The following AR variants were observed in gnomAD, a reference collection of about 807,000 sequenced individuals.
The protein encoded by AR is androgen receptor.
In AR, 8 loss-of-function variants were observed where a neutral mutation model predicts 53.9. That is an observed-to-expected ratio of 0.15 (90% CI 0.09 to 0.27). AR has a LOEUF of 0.27. AR is among the 10% of genes least tolerant of loss of function. The pLI is 1.00. For missense variants in AR, 639 were observed against 742.5 expected (o/e 0.86, Z 1.62); for synonymous variants, 359 against 316.4 (o/e 1.13, Z -1.43).
chrX:67,638,917 A>G (rs963825877), intron 1 of AR, among the ~76,000 whole-genome samples: 1 of 111,721 alleles, frequency 9.0e-6, no homozygotes, highest in South Asian at 3.8e-4. Flanking sequence ...TATGTCCTGA[A>G]TGGTATTGCC....
intron 1 of AR, among the ~76,000 whole-genome samples, chrX:67,603,706 T>C (rs773808250): frequency 3.6e-5 from 4 of 111,816 alleles, no homozygotes; most frequent in Non-Finnish European, 7.5e-5. Context: ...ACATTTGTTT[T>C]TGAACAAAGG....
intron 3 of AR, among the ~76,000 whole-genome samples, chrX:67,700,858 C>T (rs756248058): frequency 8.5e-4 from 95 of 112,086 alleles, no homozygotes; most frequent in African/African-American, 2.8e-3. Flanking sequence ...AAAGTCGAGG[C>T]GACAGATTAT....
At chrX:67,594,317 T>C (rs1221883593) in intron 1 of AR, among the ~76,000 whole-genome samples, 1 of 112,211 alleles carries the variant, frequency 8.9e-6, no homozygotes, top group Non-Finnish European at 1.9e-5. Context: ...TGTCAAGCTT[T>C]GGAAAGAAAA....
chrX:67,709,112 G>T (rs1008538763), intron 3 of AR, among the ~76,000 whole-genome samples: 1 of 112,020 alleles, frequency 8.9e-6, no homozygotes, highest in Non-Finnish European at 1.9e-5. Context: ...GAGGCAGTCT[G>T]TCCGTTCTCA....
intron 1 of AR, among the ~76,000 whole-genome samples, chrX:67,563,806 C>A (rs762939159): frequency 8.9e-6 from 1 of 112,214 alleles, no homozygotes; most frequent in African/African-American, 3.2e-5. Flanking sequence ...GAAGATTCCT[C>A]TTCTTGGCCA....
At chrX:67,562,370 G>C (rs1234818564) in intron 1 of AR, among the ~76,000 whole-genome samples, 1 of 108,851 alleles carries the variant, frequency 9.2e-6, no homozygotes, top group Non-Finnish European at 1.9e-5. Flanking sequence ...GTGTGTGTGT[G>C]TGTGTGTGTG....
At chrX:67,645,900 G>T (rs1461363873) in intron 2 of AR, among the ~76,000 whole-genome samples, 1 of 111,808 alleles carries the variant, frequency 8.9e-6, no homozygotes, top group Non-Finnish European at 1.9e-5. Flanking sequence ...TATTGATTTG[G>T]TTTTCTTTTT....
At chrX:67,567,886 C>T (rs1429295791) in intron 1 of AR, among the ~76,000 whole-genome samples, 1 of 111,914 alleles carries the variant, frequency 8.9e-6, no homozygotes, top group Non-Finnish European at 1.9e-5. Flanking sequence ...ATAAAATCTT[C>T]TCCTGTTTTT....
intron 4 of AR, among the ~76,000 whole-genome samples, chrX:67,714,039 G>A (rs183951860): frequency 1.8e-5 from 2 of 112,075 alleles, no homozygotes; most frequent in African/African-American, 6.5e-5. Context: ...GATAAATTTT[G>A]TTTTAAGTTT....
intron 1 of AR, among the ~76,000 whole-genome samples, chrX:67,625,999 A>C (rs1009244951): frequency 8.1e-5 from 9 of 111,612 alleles, no homozygotes; most frequent in Non-Finnish European, 1.3e-4. Flanking sequence ...TGATACAGGC[A>C]TACAATGTTC....
chrX:67,556,460 GGGT>G (rs1378044234), intron 1 of AR, among the ~76,000 whole-genome samples: 1 of 111,751 alleles, frequency 8.9e-6, no homozygotes, highest in Non-Finnish European at 1.9e-5. Flanking sequence ...TGAGAGTTCT[GGGT>G]GCCAATAACC....
chrX:67,560,311 A>T (rs1028518341), intron 1 of AR, among the ~76,000 whole-genome samples: 2 of 111,168 alleles, frequency 1.8e-5, no homozygotes, highest in African/African-American at 6.6e-5. Context: ...GATTCTTAAC[A>T]CCTCTTTCCA....
At position 67,544,043 on chromosome X, in the gene AR, G is replaced by A. The variant is rs1482719894; in HGVS notation, c.-1104G>A. The A allele has an allele frequency of 1.8e-5, 3 of 169,231 alleles. No homozygotes were observed. In the East Asian group the frequency reaches 2.5e-4, roughly 14 times the overall value. The allele number at this position is 169,231 out of a possible 1,213,427, so 13.9% of individuals were successfully genotyped here. On this transcript the variant is annotated 5_prime_UTR_variant, in exon 1 of 8. Transcript: ENST00000374690. ...CCCAGCGCCCCCTCCGAGATCCCGG[G>A]GAGCCAGCTTGCTGGGAGAGCGGGA...
In AR at chrX:67,726,676, G is replaced by T. The variant is rs987856950; in HGVS notation, c.*2835G>T. ...TTAGGCCTACTCTTTCTGTGCTTGG[G>T]TTTGAGTGAACAAAGGAGATTTTAG... On this transcript the variant is annotated 3_prime_UTR_variant, in exon 8 of 8. Transcript: ENST00000374690. 5 of 174,661 alleles carry T rather than the reference G, an allele frequency of 2.9e-5. No individual in the cohort carries two copies. The highest frequency in any genetic ancestry group is 5.5e-5 in the Non-Finnish European group (5 of 91,638). 14.4% of individuals were successfully genotyped at this position (174,661 alleles called of 1,213,427 possible). A position where few individuals can be genotyped will look rare whatever the true frequency, so the allele number is the denominator to read the frequency against.
At chrX:67,547,032 G>GT (rs922459530) in intron 1 of AR, among the ~76,000 whole-genome samples, 2 of 110,356 alleles carry the variant, frequency 1.8e-5, no homozygotes, top group African/African-American at 6.6e-5. Context: ...CTACCTCCTG[G>GT]TACTCGAGGT....
At chrX:67,575,980 A>T (rs1922027180) in intron 1 of AR, among the ~76,000 whole-genome samples, 2 of 111,956 alleles carry the variant, frequency 1.8e-5, no homozygotes, top group Non-Finnish European at 3.8e-5. Flanking sequence ...GCATTGTCAG[A>T]ATCAGAATTA....
chrX:67,706,641 A>G (rs2076069249), intron 3 of AR, among the ~76,000 whole-genome samples: 1 of 108,713 alleles, frequency 9.2e-6, no homozygotes, highest in Non-Finnish European at 1.9e-5. Context: ...CCATGTCTCT[A>G]TCTCCTTCAG....
chrX:67,674,208 T>A (rs759494945), intron 2 of AR, among the ~76,000 whole-genome samples: 2 of 109,240 alleles, frequency 1.8e-5, no homozygotes, highest in Non-Finnish European at 3.8e-5. Flanking sequence ...TCTCATTCTC[T>A]GCCGACCTGC....
chrX:67,605,441 G>T lies in AR; in HGVS notation c.1617-37815G>T, dbSNP rs111459408. On this transcript the variant is annotated intron_variant, in intron 1 of 7. Coordinates refer to ENST00000374690, the MANE Select transcript of AR (RefSeq NM_000044.6). ...GCCTGTGTTACAGAGGACACAGTTG[G>T]CATTTCCTTTTGGTGTTGAGGGGAG... Among the ~76,000 whole-genome samples the T allele has an allele frequency of 4.3e-3, 480 of 112,491 alleles. 3 individuals carry two copies. Among genetic ancestry groups the T allele is most frequent in the African/African-American group, 0.015 (454 of 31,010 alleles).
Sources: gnomAD v4.1 joint callset for allele counts (sites outside exome capture counted in the v4.1 genomes callset) on GRCh38, gnomAD v4.1.1 for gene constraint, MANE v1.5 for transcripts, NCBI Gene and HGNC (gene_info 2026-07-23, HGNC 2026-07-21) for gene names.